PDE4A: variants seen among roughly 807,000 people sequenced by gnomAD.
The protein encoded by PDE4A is phosphodiesterase 4A, also known as 3',5'-cyclic-AMP phosphodiesterase 4A.
PDE4A carries 21 observed loss-of-function variants against 73.9 expected under a neutral mutation model. The observed-to-expected ratio is 0.28, with a 90% confidence interval of 0.20 to 0.41. PDE4A has a LOEUF of 0.41. Ranked by LOEUF, PDE4A falls within the 10% of genes least tolerant of loss-of-function variation. The pLI is 1.00. For synonymous variants in PDE4A, 463 were observed against 505.4 expected (o/e 0.92, Z 1.13); for missense variants, 958 against 1,211.4 (o/e 0.79, Z 3.10).
rs141649181 is a variant in PDE4A at position 10,445,280 on chromosome 19, G to C, written c.321-938G>C. 1.1e-4 allele frequency among the ~76,000 whole-genome samples: 16 copies of C among 152,346 alleles called. No homozygotes were observed. In the East Asian group the frequency reaches 3.1e-3, roughly 29 times the overall value. On this transcript the variant is annotated intron_variant, in intron 1 of 14. Transcript: ENST00000380702. Reference sequence around the variant, plus strand: ...GGGAAGCTGACCAAGGAGTGGGTGAGAAGTAGACAGATTCTGGATAGATTT... The same window carrying C: ...GGGAAGCTGACCAAGGAGTGGGTGACAAGTAGACAGATTCTGGATAGATTT...
At chr19:10,420,506 C>T, upstream of PDE4A, 1 of 1,029,224 alleles carries the variant, frequency 9.7e-7, no homozygotes, top group Non-Finnish European at 1.2e-6. This position sits in a 1 kb window ranked among gnomAD's most constrained non-coding sequence, Gnocchi z 6.0. Context: ...TGGCGCCGAG[C>T]GGGCCGCGGA....
chr19:10,456,167 G>T (rs148506181), intron 7 of PDE4A, among the ~76,000 whole-genome samples: 1 of 151,750 alleles, frequency 6.6e-6, no homozygotes, highest in East Asian at 2.0e-4. Flanking sequence ...GAGAAAAGAG[G>T]ATCGCTTGAG....
intron 7 of PDE4A, among the ~76,000 whole-genome samples, chr19:10,455,728 A>C (rs1247599662): frequency 6.6e-6 from 1 of 151,528 alleles, no homozygotes; most frequent in Non-Finnish European, 1.5e-5. Context: ...CCACTGCTGC[A>C]CTCCAGCCTG....
intron 1 of PDE4A, chr19:10,431,077 C>T (rs1284355247): frequency 1.3e-6 from 2 of 1,555,630 alleles, no homozygotes; most frequent in Non-Finnish European, 8.6e-7. Flanking sequence ...CAGGCTTGGG[C>T]TGGGGCTGGG....
Position 10,453,376 on chromosome 19 carries a change from G to T in PDE4A, c.784-1453G>T, listed in dbSNP as rs2043124035. 6.3e-7 allele frequency: 1 copy of T among 1,588,400 alleles called. No homozygotes were observed. Among genetic ancestry groups the T allele is most frequent in the African/African-American group, 1.3e-5 (1 of 74,240 alleles). On this transcript the variant is annotated intron_variant, in intron 6 of 14. Transcript: ENST00000380702. This position sits in a 1 kb window ranked among gnomAD's most constrained non-coding sequence, Gnocchi z 4.6. Reference sequence around the variant, plus strand: ...GGTGGGCGGGCATCCTGGTGAGCTGGGCCCCCGGTGTGGGCTTGTGTGTGC... The same window carrying T: ...GGTGGGCGGGCATCCTGGTGAGCTGTGCCCCCGGTGTGGGCTTGTGTGTGC...
intron 1 of PDE4A, among the ~76,000 whole-genome samples, chr19:10,425,970 G>A (rs2042711434): frequency 8.9e-6 from 1 of 112,044 alleles, no homozygotes. Context: ...CTGGGCGAGA[G>A]ACTGAGACCC....
At chr19:10,420,419 A>G (rs1599393441), upstream of PDE4A, 1 of 925,760 alleles carries the variant, frequency 1.1e-6, no homozygotes, top group Non-Finnish European at 1.3e-6. The surrounding 1 kb of genome is among the most constrained non-coding windows in gnomAD (Gnocchi z 6.0). Flanking sequence ...GCCCGGACGG[A>G]GGAGGAGGGG....
At chr19:10,455,065 G>T in intron 7 of PDE4A, 143 bp downstream of exon 7, 1 of 748,070 alleles carries the variant, frequency 1.3e-6, no homozygotes. Context: ...CCCTATCCAG[G>T]AACCCTCATG....
intron 1 of PDE4A, chr19:10,421,440 T>C (rs572550261): frequency 4.8e-6 from 3 of 626,660 alleles, no homozygotes; most frequent in South Asian, 7.0e-5. Context: ...GGGGGCACTA[T>C]ACTGAGGGCT....
At chr19:10,449,386 G>T (rs1568376239) in intron 4 of PDE4A, among the ~76,000 whole-genome samples, 1 of 152,048 alleles carries the variant, frequency 6.6e-6, no homozygotes, top group African/African-American at 2.4e-5. Flanking sequence ...TTGAGATCAA[G>T]TCTCACTCTG....
chr19:10,464,057 C>A, intron 14 of PDE4A, 82 bp downstream of exon 14: 1 of 1,543,268 alleles, frequency 6.5e-7, no homozygotes, highest in Non-Finnish European at 8.9e-7. Flanking sequence ...GGCCCAGGAG[C>A]TCCTCCCCTG....
rs2043125825 is a variant in PDE4A, at chr19:10,453,486, T to TG, written c.784-1338dup. Among the ~76,000 whole-genome samples the TG allele has an allele frequency of 6.6e-6, 1 of 151,900 alleles. No individual in the cohort carries two copies. The highest frequency in any genetic ancestry group is 1.5e-5 in the Non-Finnish European group (1 of 67,942). ...GGGCTGGGCGTGGATGGCGGGCAGC[T>TG]GGGGGTGTGTGACTCTCCCTGGGGG... On this transcript the variant is annotated intron_variant, in intron 6 of 14. Coordinates refer to ENST00000380702, the MANE Select transcript of PDE4A (RefSeq NM_001111307.2). The surrounding 1 kb of genome is among the most constrained non-coding windows in gnomAD (Gnocchi z 4.6).
intron 1 of PDE4A, among the ~76,000 whole-genome samples, chr19:10,438,303 G>T (rs1013185176): frequency 2.0e-5 from 3 of 151,696 alleles, no homozygotes; most frequent in African/African-American, 7.3e-5. Context: ...ATTAGAGACG[G>T]GGTTTCATCA....
chr19:10,446,413 A>C lies in PDE4A; in HGVS notation c.512+4A>C. 3 of 1,602,266 alleles carry C rather than the reference A, an allele frequency of 1.9e-6. No homozygotes were observed. Among genetic ancestry groups the C allele is most frequent in the Non-Finnish European group, 2.6e-6 (3 of 1,170,344 alleles). On this transcript the variant is annotated splice_donor_region_variant and intron_variant, in intron 2 of 14. Coordinates refer to ENST00000380702, the MANE Select transcript of PDE4A (RefSeq NM_001111307.2). ...ACTCATCGGTCACCAGCGAGGCGTG[A>C]GCATCCTTCTCCCCACATGCCAGTT... is the stretch of plus-strand genomic sequence containing the variant.
At position 10,421,084 on chromosome 19, in the gene PDE4A, G is replaced by A; in HGVS notation, c.320G>A (p.Arg107His). 7.3e-7 allele frequency: 1 copy of A among 1,370,984 alleles called. No individual in the cohort carries two copies. Among genetic ancestry groups the A allele is most frequent in the Non-Finnish European group, 9.3e-7 (1 of 1,071,022 alleles). The allele number at this position is 1,370,984 out of a possible 1,614,324, so 84.9% of individuals were successfully genotyped here. Residue 107 changes from arginine (R) to histidine (H), a missense_variant and splice_region_variant, in exon 1 of 15, where the codon CGC becomes CAC. This residue lies in a region of PDE4A where 570 missense variants were observed against 827.7 expected (regional missense o/e 0.69). Coordinates refer to ENST00000380702, the MANE Select transcript of PDE4A (RefSeq NM_001111307.2). Reference protein sequence around the residue: ...SGGAGGGSSRRFEAENGPTPS... With the variant: ...SGGAGGGSSRHFEAENGPTPS... ...GGCGCGGGCGGAGGCAGCAGCAGGCGGTAAGACTCCCCGCGGCGGATGCGC... is the reference window on the plus strand; with the variant it reads ...GGCGCGGGCGGAGGCAGCAGCAGGCAGTAAGACTCCCCGCGGCGGATGCGC...
rs747749678 is a variant in PDE4A at position 10,467,206 on chromosome 19, C to A, written c.2246C>A (p.Thr749Asn). Residue 749 changes from threonine (T) to asparagine (N), a missense_variant, in exon 15 of 15, where the codon ACC becomes AAC. Thr to Asn is a moderately conservative substitution (Grantham distance 65, BLOSUM62 0). Transcript: ENST00000380702. ...LSGVEEALDA[T>N]IAWEASPAQE... is the part of the protein sequence containing the mutation. ...GGAGTCGAGGAAGCTCTGGATGCAACCATAGCCTGGGAGGCATCCCCGGCC... is the reference window on the plus strand; with the variant it reads ...GGAGTCGAGGAAGCTCTGGATGCAAACATAGCCTGGGAGGCATCCCCGGCC... The A allele has an allele frequency of 4.3e-6, 7 of 1,613,980 alleles. No individual in the cohort carries two copies. In the East Asian group the frequency reaches 1.6e-4, roughly 36 times the overall value.
rs975003505 is a variant in PDE4A at position 10,467,397 on chromosome 19, G to C, written c.2437G>C (p.Ala813Pro). ...VVAVSHSSPS[A>P]LALQSPLLPA... ...TGCTGTAAGCCACAGCAGCCCCTCT[G>C]CCCTGGCTCTTCAAAGCCCCCTTCT... Residue 813 changes from alanine (A) to proline (P), a missense_variant, in exon 15 of 15, where the codon GCC (alanine) becomes CCC (proline). Around this residue, in one of 3 missense-constraint regions of PDE4A, gnomAD observed 243 missense variants for 245.9 expected, o/e 0.99. Coordinates refer to ENST00000380702, the MANE Select transcript of PDE4A (RefSeq NM_001111307.2). 1 of 1,613,988 alleles carries C rather than the reference G, an allele frequency of 6.2e-7. No individual in the cohort carries two copies. The highest frequency in any genetic ancestry group is 8.5e-7 in the Non-Finnish European group (1 of 1,179,994).
intron 8 of PDE4A, chr19:10,459,063 T>C (rs1402840405): frequency 2.5e-5 from 8 of 319,208 alleles, no homozygotes; most frequent in Admixed American, 3.9e-5. Context: ...CCAGTCGTGC[T>C]GGGTTCCTAT....
rs1358859578 is a variant in PDE4A, at chr19:10,421,096, C to A, written c.320+12C>A. The A allele has an allele frequency of 2.1e-5, 28 of 1,362,828 alleles. No homozygotes were observed. Among genetic ancestry groups the A allele is most frequent in the Non-Finnish European group, 2.5e-5 (27 of 1,066,060 alleles). The allele number at this position is 1,362,828 out of a possible 1,614,324, so 84.4% of individuals were successfully genotyped here. On this transcript the variant is annotated intron_variant, in intron 1 of 14. Transcript: ENST00000380702. ...GGCAGCAGCAGGCGGTAAGACTCCC[C>A]GCGGCGGATGCGCGCGGAACGGATG...
Sources: gnomAD v4.1 joint callset for allele counts (sites outside exome capture counted in the v4.1 genomes callset) on GRCh38, gnomAD v4.1.1 for gene constraint, gnomAD v4.1.1 regional missense constraint, Gnocchi (gnomAD v3.1) non-coding constraint, MANE v1.5 for transcripts, NCBI Gene and HGNC (gene_info 2026-07-23, HGNC 2026-07-21) for gene names.